TBC1D32: variants seen among roughly 807,000 people sequenced by gnomAD.
The protein encoded by TBC1D32 is protein broad-minded.
TBC1D32 carries 151 observed loss-of-function variants against 170.3 expected under a neutral mutation model. That is an observed-to-expected ratio of 0.89 (90% CI 0.78 to 1.01). The LOEUF (loss-of-function observed/expected upper bound fraction) is 1.01, where lower values mean the gene tolerates loss of function less well. Among genes scored for constraint, TBC1D32 ranks in the 50% least tolerant of loss-of-function variants. TBC1D32 has a pLI of 0.00. For synonymous variants in TBC1D32, 498 were observed against 488.0 expected, an observed-to-expected ratio of 1.02 and a Z score of -0.27; for missense variants, 1,464 against 1,457.1, an observed-to-expected ratio of 1.00 and a Z score of -0.08.
At chr6:121,149,270 C>T (rs1783892169) in intron 24 of TBC1D32, among the ~76,000 whole-genome samples, 2 of 152,136 alleles carry the variant, frequency 1.3e-5, no homozygotes, top group Non-Finnish European at 2.9e-5. Context: ...AATTAGATCC[C>T]ATTTGTCAAT....
intron 24 of TBC1D32, among the ~76,000 whole-genome samples, chr6:121,134,075 G>T (rs1352544885): frequency 1.3e-5 from 2 of 151,944 alleles, no homozygotes; most frequent in Non-Finnish European, 2.9e-5. Context: ...AATTTTTATT[G>T]TTTTCATTTA....
At chr6:121,301,792 T>C (rs1025487256) in intron 9 of TBC1D32, among the ~76,000 whole-genome samples, 5 of 152,056 alleles carry the variant, frequency 3.3e-5, no homozygotes, top group African/African-American at 9.7e-5. Flanking sequence ...TTCTTTTTTT[T>C]CCTTTTTTTG....
chr6:121,289,169 G>A (rs60461336), intron 12 of TBC1D32, among the ~76,000 whole-genome samples: 4,990 of 152,052 alleles, frequency 0.033, 194 homozygotes, highest in East Asian at 0.12. Flanking sequence ...ATCAGGCAAG[G>A]GAAAGAAATA....
chr6:121,160,882 A>T, intron 23 of TBC1D32, 66 bp downstream of exon 23: 1 of 1,236,914 alleles, frequency 8.1e-7, no homozygotes, highest in Non-Finnish European at 1.2e-6. Flanking sequence ...GGTGACTTTG[A>T]GTTGGCTATC....
intron 15 of TBC1D32, among the ~76,000 whole-genome samples, chr6:121,277,915 G>C (rs1051174117): frequency 6.6e-6 from 1 of 151,068 alleles, no homozygotes; most frequent in Non-Finnish European, 1.5e-5. Flanking sequence ...ACTAACATCA[G>C]AAGTGAAAGA....
At position 121,191,321 on chromosome 6, in the gene TBC1D32, T is replaced by C. The variant is rs141565565; in HGVS notation, c.2570+13754A>G. ...TAGCAGAAATGTAAATCGCAATTCC[T>C]TTTCTGTCTGCTATCAAAATCAAGA... On this transcript the variant is annotated intron_variant, in intron 22 of 31. Transcript: ENST00000398212. 4.9e-3 allele frequency among the ~76,000 whole-genome samples: 752 copies of C among 152,290 alleles called. 4 individuals carry two copies. The highest frequency in any genetic ancestry group is 0.018 in the African/African-American group (728 of 41,578).
At chr6:121,258,995 G>A (rs1799414993) in intron 15 of TBC1D32, among the ~76,000 whole-genome samples, 1 of 151,334 alleles carries the variant, frequency 6.6e-6, no homozygotes, top group Admixed American at 6.6e-5. Flanking sequence ...AAAAAAGAAA[G>A]AAAGAGAAGA....
chr6:121,295,233 C>T (rs1432686415), intron 10 of TBC1D32, among the ~76,000 whole-genome samples: 1 of 148,936 alleles, frequency 6.7e-6, no homozygotes. Context: ...AGACTTCAAA[C>T]CTTCTCCCCT....
intron 15 of TBC1D32, among the ~76,000 whole-genome samples, chr6:121,265,903 C>T (rs1469294695): frequency 1.3e-5 from 2 of 152,094 alleles, no homozygotes; most frequent in Non-Finnish European, 2.9e-5. Flanking sequence ...GCCTTCCTTA[C>T]ACCTTATATA....
chr6:121,233,737 T>C (rs1433824606), intron 20 of TBC1D32, among the ~76,000 whole-genome samples: 2 of 152,162 alleles, frequency 1.3e-5, no homozygotes, highest in African/African-American at 4.8e-5. Flanking sequence ...GAGGTACTGT[T>C]CTATTCATCA....
chr6:121,083,276 G>A (rs777509100), intron 31 of TBC1D32, among the ~76,000 whole-genome samples: 9 of 151,814 alleles, frequency 5.9e-5, no homozygotes, highest in African/African-American at 9.7e-5. Flanking sequence ...TATATTAACC[G>A]TATAGTATTT....
intron 31 of TBC1D32, among the ~76,000 whole-genome samples, chr6:121,085,723 C>G (rs1776199748): frequency 6.6e-6 from 1 of 151,854 alleles, no homozygotes; most frequent in Non-Finnish European, 1.5e-5. Flanking sequence ...TTCTTAGGAC[C>G]AGAGAGTTTA....
At chr6:121,098,956 T>C (rs1327728453) in intron 30 of TBC1D32, among the ~76,000 whole-genome samples, 3 of 152,032 alleles carry the variant, frequency 2.0e-5, no homozygotes, top group Admixed American at 2.0e-4. Flanking sequence ...TAAATCTGAC[T>C]CTGAACAAGG....
intron 25 of TBC1D32, among the ~76,000 whole-genome samples, chr6:121,130,314 T>C (rs1478793038): frequency 6.6e-6 from 1 of 152,120 alleles, no homozygotes; most frequent in Non-Finnish European, 1.5e-5. Flanking sequence ...AAACCCCGTC[T>C]CTACTAAAAA....
Position 121,080,803 on chromosome 6 carries a change from C to T in TBC1D32, c.3742G>A (p.Asp1248Asn), listed in dbSNP as rs769641525. Residue 1248 changes from aspartate (D) to asparagine (N), a missense_variant, in exon 32 of 32, where the codon GAC becomes AAC. Coordinates refer to ENST00000398212, the MANE Select transcript of TBC1D32 (RefSeq NM_152730.6). Reference sequence around the variant, plus strand: ...CTCTGCAGTCTAATGTTCCGCATGTCTCTCAGCAGCACTGTTCGGTAGTTT... The same window carrying T: ...CTCTGCAGTCTAATGTTCCGCATGTTTCTCAGCAGCACTGTTCGGTAGTTT... ...EQNYRTVLLR[D>N]MRNIRLQST 5 of 1,613,580 alleles carry T rather than the reference C, an allele frequency of 3.1e-6. No homozygotes were observed. In the South Asian group the frequency reaches 5.5e-5, roughly 18 times the overall value.
chr6:121,333,283 G>A (rs972258147), intron 1 of TBC1D32, among the ~76,000 whole-genome samples: 2 of 152,074 alleles, frequency 1.3e-5, no homozygotes, highest in Admixed American at 1.3e-4. Flanking sequence ...TAAATTCAGA[G>A]GCTTAACTTA....
chr6:121,118,014 C>T (rs967517717), intron 26 of TBC1D32, among the ~76,000 whole-genome samples: 4 of 152,010 alleles, frequency 2.6e-5, no homozygotes, highest in African/African-American at 7.2e-5. Flanking sequence ...GATCCATATG[C>T]ATGGCTGGTA....
chr6:121,278,738 AG>A (rs1281613340), intron 15 of TBC1D32, among the ~76,000 whole-genome samples: 2 of 152,150 alleles, frequency 1.3e-5, no homozygotes, highest in African/African-American at 4.8e-5. Flanking sequence ...GTTTATATGT[AG>A]GTTTGTCTGA....
chr6:121,143,593 G>A (rs1217005650), intron 24 of TBC1D32, among the ~76,000 whole-genome samples: 1 of 152,152 alleles, frequency 6.6e-6, no homozygotes, highest in Non-Finnish European at 1.5e-5. Context: ...AAATTGTGCA[G>A]TGCAAATGAT....
Sources: allele counts gnomAD v4.1 joint callset (sites outside exome capture counted in the v4.1 genomes callset), GRCh38; gene constraint gnomAD v4.1.1; transcripts MANE v1.5; gene names NCBI Gene and HGNC (gene_info 2026-07-23, HGNC 2026-07-21).